Variants in EFCAB14 observed in about 807,000 individuals in gnomAD.
The protein encoded by EFCAB14 is EF-hand calcium binding domain 14, also known as EF-hand calcium-binding domain-containing protein 14.
In EFCAB14, 43 loss-of-function variants were observed where a neutral mutation model predicts 56.5. That is an observed-to-expected ratio of 0.76 (90% CI 0.60 to 0.98). The LOEUF is 0.98. EFCAB14 is among the 50% of genes least tolerant of loss of function. The probability of loss-of-function intolerance (pLI) is 0.00; values close to 1 mark genes in which losing one functional copy is unlikely to be tolerated. For missense variants in EFCAB14, 538 were observed against 580.3 expected, an observed-to-expected ratio of 0.93 and a Z score of 0.75; for synonymous variants, 235 against 212.9, an observed-to-expected ratio of 1.10 and a Z score of -0.90.
chr1:46,706,195 T>A (rs914470488), intron 3 of EFCAB14, among the ~76,000 whole-genome samples: 9 of 152,338 alleles, frequency 5.9e-5, no homozygotes, highest in African/African-American at 2.2e-4. Context: ...AATTAGCCTA[T>A]GATAAAACTG....
intron 7 of EFCAB14, 92 bp from the exon 8 acceptor site, chr1:46,686,962 A>G (rs1170786803): frequency 8.6e-7 from 1 of 1,156,976 alleles, no homozygotes; most frequent in African/African-American, 1.5e-5. Context: ...CAAATTCGTC[A>G]AACTTATTTA....
At chr1:46,706,763 C>T (rs6667885) in intron 3 of EFCAB14, among the ~76,000 whole-genome samples, 1 of 151,972 alleles carries the variant, frequency 6.6e-6, no homozygotes, top group Non-Finnish European at 1.5e-5. Context: ...AAATACTAGA[C>T]GGCTGTAACT....
In EFCAB14 at chr1:46,676,843, G is replaced by A. The variant is rs1304468704; in HGVS notation, c.*1618C>T. ...CTTCTGGAAAAAAAATTTAAGTTTG[G>A]TTAATACCAAGCTGAACATCATGTA... On this transcript the variant is annotated 3_prime_UTR_variant, in exon 11 of 11. Coordinates refer to ENST00000371933, the MANE Select transcript of EFCAB14 (RefSeq NM_014774.3). 6.6e-6 allele frequency: 1 copy of A among 151,854 alleles called. No homozygotes were observed. Among genetic ancestry groups the A allele is most frequent in the Non-Finnish European group, 1.5e-5 (1 of 67,896 alleles). The allele number at this position is 151,854 out of a possible 1,614,324, so 9.4% of individuals were successfully genotyped here. A position where few individuals can be genotyped will look rare whatever the true frequency, so the allele number is the denominator to read the frequency against.
Position 46,678,628 on chromosome 1 carries a change from C to A in EFCAB14, c.1321G>T (p.Asp441Tyr). Residue 441 changes from aspartate to tyrosine, a missense_variant, in exon 11 of 11, where the codon GAT (aspartate) becomes TAT (tyrosine). Coordinates refer to ENST00000371933, the MANE Select transcript of EFCAB14 (RefSeq NM_014774.3). ...TCCTGGCCAGTCTTGCGGAATAAAT[C>A]CTGAAGATCTGTCAAAAATGAATTA... is the stretch of plus-strand genomic sequence containing the variant. ...PGVSSTEDLQDLFRKTGQDVD... is the reference protein window; with the variant it reads ...PGVSSTEDLQYLFRKTGQDVD... The A allele has an allele frequency of 1.2e-6, 2 of 1,609,124 alleles. No individual in the cohort carries two copies. Among genetic ancestry groups the A allele is most frequent in the Non-Finnish European group, 1.7e-6 (2 of 1,177,188 alleles).
rs992444848 is a variant in EFCAB14 at position 46,689,568 on chromosome 1, A to C, written c.795+19T>G. ...AGTGCACTGTGGTCACAGGGAGTTA[A>C]GCCAGAGATAAAAAGCACCTGTTTC... On this transcript the variant is annotated intron_variant, in intron 6 of 10. Transcript: ENST00000371933. The C allele has an allele frequency of 7.4e-6, 12 of 1,612,334 alleles. No individual in the cohort carries two copies. In the African/African-American group the frequency reaches 1.3e-4, roughly 18 times the overall value.
chr1:46,686,356 TCCC>T (rs1255212124), intron 8 of EFCAB14, among the ~76,000 whole-genome samples: 2 of 152,222 alleles, frequency 1.3e-5, no homozygotes, highest in East Asian at 3.8e-4. Context: ...TCTGCCTCTG[TCCC>T]CCATCATTAG....
At chr1:46,716,093 CA>C in intron 2 of EFCAB14, among the ~76,000 whole-genome samples, 1 of 151,370 alleles carries the variant, frequency 6.6e-6, no homozygotes, top group Admixed American at 6.6e-5. Context: ...ACTAAAAAGA[CA>C]AAAAAATTAG....
chr1:46,718,290 G>C lies in EFCAB14; in HGVS notation c.-203C>G. ...GCCCAGAGGAAACTGGAACTCAGAT[G>C]GGTGGGGGAAATCACATAGAAATGG... On this transcript the variant is annotated 5_prime_UTR_variant, in exon 1 of 11. Coordinates refer to ENST00000371933, the MANE Select transcript of EFCAB14 (RefSeq NM_014774.3). 1 of 532,908 alleles carries C rather than the reference G, an allele frequency of 1.9e-6. No homozygotes were observed. Among genetic ancestry groups the C allele is most frequent in the Non-Finnish European group, 3.3e-6 (1 of 299,302 alleles). The allele number at this position is 532,908 out of a possible 1,614,324, so 33.0% of individuals were successfully genotyped here. A position where few individuals can be genotyped will look rare whatever the true frequency, so the allele number is the denominator to read the frequency against.
Position 46,676,155 on chromosome 1 carries a change from G to C in EFCAB14, c.*2306C>G, listed in dbSNP as rs1487766674. ...CTCAACTCAGAAGAAAGGAGTTCAAGATACCCTACTTTTGCCTGGAAGATG... is the reference window on the plus strand; with the variant it reads ...CTCAACTCAGAAGAAAGGAGTTCAACATACCCTACTTTTGCCTGGAAGATG... On this transcript the variant is annotated 3_prime_UTR_variant, in exon 11 of 11. Transcript: ENST00000371933. The C allele has an allele frequency of 1.3e-5, 2 of 152,222 alleles. No individual in the cohort carries two copies. Among genetic ancestry groups the C allele is most frequent in the Non-Finnish European group, 2.9e-5 (2 of 68,040 alleles). The allele number at this position is 152,222 out of a possible 1,614,324, so 9.4% of individuals were successfully genotyped here.
intron 2 of EFCAB14, among the ~76,000 whole-genome samples, chr1:46,714,613 A>G (rs1261080047): frequency 2.0e-5 from 3 of 151,976 alleles, no homozygotes; most frequent in Non-Finnish European, 4.4e-5. Flanking sequence ...GCAACATAGC[A>G]AAACCCTGTC....
At chr1:46,683,483 T>C in intron 9 of EFCAB14, 58 bp from the exon 10 acceptor site, 1 of 1,550,406 alleles carries the variant, frequency 6.4e-7, no homozygotes, top group Non-Finnish European at 8.7e-7. Flanking sequence ...CAAATTAAAC[T>C]AGTATCGAAG....
At position 46,675,793 on chromosome 1, in the gene EFCAB14, T is replaced by C. The variant is rs1197416586; in HGVS notation, c.*2668A>G. On this transcript the variant is annotated 3_prime_UTR_variant, in exon 11 of 11. Coordinates refer to ENST00000371933, the MANE Select transcript of EFCAB14 (RefSeq NM_014774.3). ...TCTTTTGGTTCTTCTTTTTATATGC[T>C]ACCTTTTTGCCTCTCTGATTTATGG... The C allele has an allele frequency of 1.3e-5, 2 of 152,250 alleles. No homozygotes were observed. The highest frequency in any genetic ancestry group is 1.3e-4 in the Admixed American group (2 of 15,288). 9.4% of individuals were successfully genotyped at this position (152,250 alleles called of 1,614,324 possible). A position where few individuals can be genotyped will look rare whatever the true frequency, so the allele number is the denominator to read the frequency against.
chr1:46,685,999 C>T (rs1676875308), intron 8 of EFCAB14, among the ~76,000 whole-genome samples: 1 of 152,170 alleles, frequency 6.6e-6, no homozygotes, highest in South Asian at 2.1e-4. Context: ...CTGTGTGGTT[C>T]CAGTTCAAGT....
chr1:46,716,285 A>G lies in EFCAB14; in HGVS notation c.334+10T>C. The G allele has an allele frequency of 6.5e-7, 1 of 1,540,578 alleles. No homozygotes were observed. Among genetic ancestry groups the G allele is most frequent in the Non-Finnish European group, 8.8e-7 (1 of 1,138,610 alleles). ...AAAAAAAAAAAAAAAGAGAGTAACC[A>G]CTTACTTACTTGTTCGAAATTTTTC... On this transcript the variant is annotated intron_variant, in intron 2 of 10. Coordinates refer to ENST00000371933, the MANE Select transcript of EFCAB14 (RefSeq NM_014774.3).
chr1:46,688,321 C>T (rs1352062337), intron 7 of EFCAB14, 32 bp downstream of exon 7: 3 of 1,599,554 alleles, frequency 1.9e-6, no homozygotes, highest in Non-Finnish European at 2.6e-6. Context: ...ACAAAACACA[C>T]TGCATGTCAC....
At chr1:46,717,427 C>G (rs979095813) in intron 1 of EFCAB14, among the ~76,000 whole-genome samples, 10 of 152,146 alleles carry the variant, frequency 6.6e-5, no homozygotes, top group African/African-American at 2.2e-4. Context: ...TTTTGCCCCC[C>G]GACCCCACCT....
At position 46,704,476 on chromosome 1, in the gene EFCAB14, C is replaced by CAA. The variant is rs35092498; in HGVS notation, c.480+3428_480+3429dup. Reference sequence around the variant, plus strand: ...TGGGTGACACAGTGAGATTGTGTCTCAAAAAAAAAAAAAAAAAAAAAAGGT... The same window carrying CAA: ...TGGGTGACACAGTGAGATTGTGTCTCAAAAAAAAAAAAAAAAAAAAAAAAGGT... On this transcript the variant is annotated intron_variant, in intron 3 of 10. Coordinates refer to ENST00000371933, the MANE Select transcript of EFCAB14 (RefSeq NM_014774.3). Among the ~76,000 whole-genome samples the CAA allele has an allele frequency of 6.5e-3, 476 of 73,178 alleles. 2 individuals are homozygous for CAA. Among genetic ancestry groups the CAA allele is most frequent in the Middle Eastern group, 8.9e-3 (1 of 112 alleles). 48.0% of individuals were successfully genotyped at this position (73,178 alleles called of 152,430 possible). A position where few individuals can be genotyped will look rare whatever the true frequency, so the allele number is the denominator to read the frequency against.
At chr1:46,687,987 C>A (rs1202813583) in intron 7 of EFCAB14, among the ~76,000 whole-genome samples, 1 of 152,136 alleles carries the variant, frequency 6.6e-6, no homozygotes, top group African/African-American at 2.4e-5. Flanking sequence ...GCTCCCACCC[C>A]TAATAACTTA....
chr1:46,712,222 T>C (rs976668635), intron 2 of EFCAB14, among the ~76,000 whole-genome samples: 1 of 152,196 alleles, frequency 6.6e-6, no homozygotes, highest in Non-Finnish European at 1.5e-5. Context: ...CATCTTTAAC[T>C]TCTGTGCTAA....
Sources: allele counts gnomAD v4.1 joint callset (sites outside exome capture counted in the v4.1 genomes callset), GRCh38; gene constraint gnomAD v4.1.1; transcripts MANE v1.5; gene names NCBI Gene and HGNC (gene_info 2026-07-23, HGNC 2026-07-21).